Variants in ANKFY1 observed in about 807,000 individuals in gnomAD.
The protein encoded by ANKFY1 is ankyrin repeat and FYVE domain containing 1, also known as ankyrin repeat and FYVE domain-containing protein 1.
ANKFY1 carries 47 observed loss-of-function variants against 128.3 expected under a neutral mutation model. That is an observed-to-expected ratio of 0.37 (90% CI 0.29 to 0.47). The LOEUF is 0.47. ANKFY1 is among the 20% of genes least tolerant of loss of function. The pLI is 1.00. For synonymous variants in ANKFY1, 553 were observed against 601.6 expected (o/e 0.92, Z 1.18); for missense variants, 1,222 against 1,510.6 (o/e 0.81, Z 3.17).
At chr17:4,219,370 G>A (rs563789888) in intron 3 of ANKFY1, among the ~76,000 whole-genome samples, 1 of 152,236 alleles carries the variant, frequency 6.6e-6, no homozygotes, top group East Asian at 1.9e-4. Flanking sequence ...ATAACTGATT[G>A]GAAATCTGAT....
intron 3 of ANKFY1, chr17:4,223,163 C>G: frequency 1.3e-6 from 1 of 790,540 alleles, no homozygotes; most frequent in Admixed American, 1.9e-5. Context: ...GACAATGATG[C>G]TCACTGAAAG....
Position 4,183,824 on chromosome 17 carries a change from C to A in ANKFY1, c.1786G>T (p.Ala596Ser). 1.2e-6 allele frequency: 2 copies of A among 1,612,640 alleles called. No individual in the cohort carries two copies. Among genetic ancestry groups the A allele is most frequent in the South Asian group, 2.2e-5 (2 of 91,048 alleles). The change falls in exon 13 of 25, where the codon GCA (alanine) becomes TCA (serine). Residue 596 changes from alanine to serine, a missense_variant. Physicochemically the swap from Ala to Ser is moderately conservative, Grantham distance 99. Coordinates refer to ENST00000341657, the MANE Select transcript of ANKFY1 (RefSeq NM_001330063.2). ...GGCACAGCCTTACCAGTCCATAATG[C>A]CAGGCCCAGCACAGTCTGGTCTCGG... ...DSRDQTVLGL[A>S]LWTGMHTIAA... is the part of the protein sequence containing the mutation.
chr17:4,194,086 CATAT>C (rs200667678), intron 10 of ANKFY1, among the ~76,000 whole-genome samples: 1 of 46,464 alleles, frequency 2.2e-5, no homozygotes, highest in African/African-American at 5.6e-5. Context: ...CACGCCCGGC[CATAT>C]ATATATATAT....
At chr17:4,175,980 A>C (rs1313433734) in intron 19 of ANKFY1, among the ~76,000 whole-genome samples, 2 of 152,162 alleles carry the variant, frequency 1.3e-5, no homozygotes, top group African/African-American at 4.8e-5. Flanking sequence ...AACCTCCTCC[A>C]GCCCTACAGA....
chr17:4,263,896 C>G (rs199737832), intron 1 of ANKFY1, 36 bp downstream of exon 1: 11 of 1,613,606 alleles, frequency 6.8e-6, no homozygotes, highest in South Asian at 5.5e-5. Flanking sequence ...CCCACAGCTC[C>G]GTGTCTTCCC....
chr17:4,263,771 C>A (rs759590702), intron 1 of ANKFY1, 161 bp downstream of exon 1: 4 of 1,554,908 alleles, frequency 2.6e-6, no homozygotes, highest in Non-Finnish European at 3.5e-6. Context: ...CTCCGGACCC[C>A]GGCCCGAGAA....
chr17:4,183,041 G>T (rs1177049971), intron 14 of ANKFY1, among the ~76,000 whole-genome samples: 1 of 152,222 alleles, frequency 6.6e-6, no homozygotes. Context: ...AGTAGGTGGA[G>T]GCCGCAGTGA....
At chr17:4,215,627 A>C (rs2060209236) in intron 4 of ANKFY1, among the ~76,000 whole-genome samples, 1 of 152,144 alleles carries the variant, frequency 6.6e-6, no homozygotes, top group African/African-American at 2.4e-5. Flanking sequence ...ATAACTCGAT[A>C]CTCATATCTA....
intron 10 of ANKFY1, among the ~76,000 whole-genome samples, chr17:4,191,015 G>A (rs1393406793): frequency 1.3e-5 from 2 of 152,186 alleles, no homozygotes; most frequent in Non-Finnish European, 2.9e-5. Flanking sequence ...GCACATGCCT[G>A]TAATCTCAGC....
intron 7 of ANKFY1, among the ~76,000 whole-genome samples, chr17:4,199,203 T>G (rs1261639938): frequency 3.3e-5 from 5 of 152,210 alleles, no homozygotes; most frequent in Non-Finnish European, 7.3e-5. Context: ...CTTCTTCTTA[T>G]TTTTTGAGAC....
At position 4,178,857 on chromosome 17, in the gene ANKFY1, C is replaced by T; in HGVS notation, c.2598G>A (p.Gln866=). 3 of 1,614,148 alleles carry T rather than the reference C, an allele frequency of 1.9e-6. No individual in the cohort carries two copies. The highest frequency in any genetic ancestry group is 2.5e-6 in the Non-Finnish European group (3 of 1,180,024). The change falls in exon 18 of 25, where the codon CAG becomes CAA. Residue 866 remains glutamine (Q), a splice_region_variant and synonymous_variant. Transcript: ENST00000341657. This position sits in a 1 kb window ranked among gnomAD's most constrained non-coding sequence, Gnocchi z 4.1. ...ILKRESGAAE[Q]VDNKGRNFLH... ...AGAAGGTCAGGTGTTATTCACTCAC[C>T]TGCTCAGCAGCCCCGGACTCTCGTT...
At chr17:4,233,398 C>T (rs1220471613) in intron 3 of ANKFY1, among the ~76,000 whole-genome samples, 3 of 151,636 alleles carry the variant, frequency 2.0e-5, no homozygotes, top group East Asian at 1.9e-4. Flanking sequence ...CTCGAGATTT[C>T]GATCACGTGG....
At chr17:4,226,999 A>C (rs1233920886) in intron 3 of ANKFY1, among the ~76,000 whole-genome samples, 1 of 152,162 alleles carries the variant, frequency 6.6e-6, no homozygotes, top group Admixed American at 6.5e-5. Context: ...TCTGAAAAAC[A>C]AAACTTCCCA....
In ANKFY1 at chr17:4,182,318, C is replaced by T. The variant is rs2059530898; in HGVS notation, c.1984G>A (p.Ala662Thr). Reference sequence around the variant, plus strand: ...ACGAGTGGAAGCTGGTTTCTGATGGCCAGCTGGAGGGCTGTCTCCCCGTCC... The same window carrying T: ...ACGAGTGGAAGCTGGTTTCTGATGGTCAGCTGGAGGGCTGTCTCCCCGTCC... ...TQDGETALQLAIRNQLPLVVD... is the reference protein window; with the variant it reads ...TQDGETALQLTIRNQLPLVVD... Residue 662 changes from alanine to threonine, a missense_variant, in exon 15 of 25, where the codon GCC (alanine) becomes ACC (threonine). By Grantham distance (58) the Ala-to-Thr change is moderately conservative. Transcript: ENST00000341657. The T allele has an allele frequency of 1.9e-6, 3 of 1,590,354 alleles. No homozygotes were observed. Among genetic ancestry groups the T allele is most frequent in the Admixed American group, 3.5e-5 (2 of 57,384 alleles).
intron 10 of ANKFY1, among the ~76,000 whole-genome samples, chr17:4,192,076 A>T (rs2059727091): frequency 3.4e-5 from 2 of 58,296 alleles, no homozygotes; most frequent in South Asian, 8.4e-4. Flanking sequence ...TAATCTGGAG[A>T]CTCCTAGTTG....
At position 4,178,870 on chromosome 17, in the gene ANKFY1, C is replaced by T. The variant is rs1486256123; in HGVS notation, c.2585G>A (p.Gly862Glu). The T allele has an allele frequency of 6.2e-6, 10 of 1,614,054 alleles. No homozygotes were observed. The highest frequency in any genetic ancestry group is 1.3e-5 in the African/African-American group (1 of 74,902). The change falls in exon 18 of 25, where the codon GGG becomes GAG. Residue 862 changes from glycine (G) to glutamate (E), a missense_variant. Transcript: ENST00000341657. This position sits in a 1 kb window ranked among gnomAD's most constrained non-coding sequence, Gnocchi z 4.1. ...SAEAILKRES[G>E]AAEQVDNKGR... is the part of the protein sequence containing the mutation. ...TTATTCACTCACCTGCTCAGCAGCC[C>T]CGGACTCTCGTTTGAGAATGGCCTC...
At chr17:4,185,306 A>G (rs995385582) in intron 11 of ANKFY1, among the ~76,000 whole-genome samples, 1 of 152,040 alleles carries the variant, frequency 6.6e-6, no homozygotes, top group Non-Finnish European at 1.5e-5. Context: ...CCCGGGTTCA[A>G]GCGATTCTCC....
At position 4,164,120 on chromosome 17, in the gene ANKFY1, A is replaced by C. The variant is rs2059171036; in HGVS notation, c.*3659T>G. On this transcript the variant is annotated 3_prime_UTR_variant, in exon 25 of 25. Transcript: ENST00000341657. ...GTGTGCCTGCAGTTTCTGCCCAGCT[A>C]CTGCCCCTCCTCTGGGATCACACAG... is the stretch of plus-strand genomic sequence containing the variant. 6.6e-6 allele frequency: 1 copy of C among 152,604 alleles called. No individual in the cohort carries two copies. The highest frequency in any genetic ancestry group is 2.4e-5 in the African/African-American group (1 of 41,470). 9.5% of individuals were successfully genotyped at this position (152,604 alleles called of 1,614,324 possible). A position where few individuals can be genotyped will look rare whatever the true frequency, so the allele number is the denominator to read the frequency against.
intron 8 of ANKFY1, among the ~76,000 whole-genome samples, chr17:4,196,207 C>T (rs1211449381): frequency 2.9e-5 from 4 of 136,062 alleles, no homozygotes; most frequent in Admixed American, 8.0e-5. Flanking sequence ...AGTTTATTGC[C>T]GTTGGAGGAA....
Sources: gnomAD v4.1 joint callset for allele counts (sites outside exome capture counted in the v4.1 genomes callset) on GRCh38, gnomAD v4.1.1 for gene constraint, Gnocchi (gnomAD v3.1) non-coding constraint, MANE v1.5 for transcripts, NCBI Gene and HGNC (gene_info 2026-07-23, HGNC 2026-07-21) for gene names.